NBEA: variants seen among roughly 807,000 people sequenced by gnomAD.
NBEA encodes the protein neurobeachin.
A neutral mutation model predicts 343.4 loss-of-function variants in NBEA; 44 were observed. The observed-to-expected ratio is 0.13, with a 90% CI of 0.10 to 0.16. The LOEUF (loss-of-function observed/expected upper bound fraction) is 0.16. NBEA is among the 10% of genes least tolerant of loss of function. NBEA has a pLI of 1.00. For missense variants in NBEA, 2,555 were observed against 3,631.3 expected, an observed-to-expected ratio of 0.70 and a Z score of 7.62; for synonymous variants, 1,175 against 1,238.7, an observed-to-expected ratio of 0.95 and a Z score of 1.08.
chr13:35,174,543 C>T (rs1431078929), intron 27 of NBEA, among the ~76,000 whole-genome samples: 1 of 152,008 alleles, frequency 6.6e-6, no homozygotes, highest in Non-Finnish European at 1.5e-5. Flanking sequence ...GCAGACTGAC[C>T]ACATATTTAT....
At chr13:35,337,756 T>A (rs2039349792) in intron 36 of NBEA, among the ~76,000 whole-genome samples, 1 of 152,078 alleles carries the variant, frequency 6.6e-6, no homozygotes, top group Non-Finnish European at 1.5e-5. Flanking sequence ...TTAAAAAGGT[T>A]GAAAGCATGC....
At chr13:35,275,530 TGCACAG>T (rs1175197648) in intron 34 of NBEA, among the ~76,000 whole-genome samples, 1 of 152,190 alleles carries the variant, frequency 6.6e-6, no homozygotes, top group Non-Finnish European at 1.5e-5. Flanking sequence ...AAAGAGCTTC[TGCACAG>T]CAAAGGAAAC....
At chr13:35,389,970 A>AGTGTGTGTGTGTGTGTGTGT (rs10523765) in intron 38 of NBEA, among the ~76,000 whole-genome samples, 57 of 138,044 alleles carry the variant, frequency 4.1e-4, no homozygotes, top group East Asian at 1.5e-3. Context: ...TCTTTTGTAG[A>AGTGTGTGTGTGTGTGTGTGT]GTGTGTGTGT....
chr13:35,571,225 A>G (rs1158715078), intron 45 of NBEA, among the ~76,000 whole-genome samples: 1 of 152,188 alleles, frequency 6.6e-6, no homozygotes, highest in Non-Finnish European at 1.5e-5. Context: ...CCAAAAAAAT[A>G]AATATTTATT....
At chr13:35,412,127 T>A (rs1720535282) in intron 38 of NBEA, among the ~76,000 whole-genome samples, 1 of 152,176 alleles carries the variant, frequency 6.6e-6, no homozygotes, top group African/African-American at 2.4e-5. Flanking sequence ...AATGTTTTCA[T>A]AATACACATT....
chr13:35,457,121 A>G (rs149755052), intron 40 of NBEA, among the ~76,000 whole-genome samples: 7 of 151,970 alleles, frequency 4.6e-5, no homozygotes, highest in Non-Finnish European at 7.4e-5. Flanking sequence ...TATCCTTCCT[A>G]TTTCTCTGTT....
At chr13:35,522,880 C>T (rs1236495118) in intron 41 of NBEA, among the ~76,000 whole-genome samples, 1 of 148,190 alleles carries the variant, frequency 6.7e-6, no homozygotes, top group Admixed American at 6.8e-5. Context: ...AGATTGTCTT[C>T]CGTGGAACGG....
chr13:35,408,960 A>G (rs1044357079), intron 38 of NBEA, among the ~76,000 whole-genome samples: 2 of 152,222 alleles, frequency 1.3e-5, no homozygotes, highest in East Asian at 1.9e-4. Flanking sequence ...ACCTGAAGAC[A>G]GAAATACCAT....
chr13:35,217,720 G>A (rs1029696731), intron 33 of NBEA, among the ~76,000 whole-genome samples: 2 of 152,042 alleles, frequency 1.3e-5, no homozygotes, highest in Non-Finnish European at 2.9e-5. Flanking sequence ...AGAAAGGGTA[G>A]ACTTGCTAGA....
At chr13:35,357,850 T>G (rs2040578632) in intron 38 of NBEA, among the ~76,000 whole-genome samples, 1 of 152,168 alleles carries the variant, frequency 6.6e-6, no homozygotes, top group South Asian at 2.1e-4. Flanking sequence ...GCAAAATGCT[T>G]AATATAATGT....
chr13:35,638,072 A>G (rs2083777412), intron 49 of NBEA, among the ~76,000 whole-genome samples: 1 of 152,168 alleles, frequency 6.6e-6, no homozygotes, highest in South Asian at 2.1e-4. Flanking sequence ...AGTCAAAATC[A>G]TAGAGAAAGA....
At chr13:35,321,877 G>A (rs1402599547) in intron 36 of NBEA, among the ~76,000 whole-genome samples, 3 of 152,160 alleles carry the variant, frequency 2.0e-5, no homozygotes, top group Admixed American at 1.3e-4. Context: ...GAAACTTCCC[G>A]GTGGCTTTGT....
chr13:35,195,319 C>T (rs984327540), intron 30 of NBEA, among the ~76,000 whole-genome samples: 1 of 151,676 alleles, frequency 6.6e-6, no homozygotes, highest in African/African-American at 2.4e-5. Context: ...TTTGAAATGC[C>T]AGATGATTTA....
intron 17 of NBEA, among the ~76,000 whole-genome samples, chr13:35,128,268 G>A (rs1415373954): frequency 6.6e-6 from 1 of 151,268 alleles, no homozygotes; most frequent in East Asian, 1.9e-4. Context: ...TAGGAACCAT[G>A]ATCTTAGTAT....
chr13:35,164,976 T>TAACAACATAAA (rs2152716128), intron 24 of NBEA: 1 of 436,820 alleles, frequency 2.3e-6, no homozygotes, highest in African/African-American at 2.1e-5. Context: ...TAGGTCAATG[T>TAACAACATAAA]TAACTTTGTA....
chr13:35,401,166 G>A (rs7324263), intron 38 of NBEA, among the ~76,000 whole-genome samples: 79,725 of 151,798 alleles, frequency 0.53, 23,805 homozygotes, highest in South Asian at 0.67. Context: ...TTAACTCCTA[G>A]CACAGTTACT....
At chr13:35,132,133 G>C (rs577040657) in intron 17 of NBEA, among the ~76,000 whole-genome samples, 2 of 151,956 alleles carry the variant, frequency 1.3e-5, no homozygotes, top group African/African-American at 2.4e-5. Context: ...GCCAGACTTC[G>C]CATGAATGTT....
intron 33 of NBEA, among the ~76,000 whole-genome samples, chr13:35,216,353 G>A (rs1337379): frequency 0.052 from 7,964 of 151,878 alleles, 225 homozygotes; most frequent in South Asian, 0.078. Flanking sequence ...ACACTCATTT[G>A]CTTATGTATT....
At chr13:35,457,315 G>A (rs538532971) in intron 40 of NBEA, among the ~76,000 whole-genome samples, 22 of 152,138 alleles carry the variant, frequency 1.4e-4, no homozygotes, top group Admixed American at 5.9e-4. Context: ...TGTTTACAGT[G>A]TACAATTTAG....
Sources: gnomAD v4.1 joint callset for allele counts (sites outside exome capture counted in the v4.1 genomes callset) on GRCh38, gnomAD v4.1.1 for gene constraint, MANE v1.5 for transcripts, NCBI Gene and HGNC (gene_info 2026-07-23, HGNC 2026-07-21) for gene names.